The following GNA14 variants were observed in gnomAD, a reference collection of about 807,000 sequenced individuals.
GNA14 encodes the protein G protein subunit alpha 14.
Under a neutral mutation model 42.0 loss-of-function variants are expected in GNA14, and 50 were observed. The ratio of observed to expected loss-of-function variants is 1.19; its 90% CI spans 0.95 to 1.51. The LOEUF is 1.51. GNA14 is among the 40% of genes most tolerant of loss of function. The probability of loss-of-function intolerance (pLI) is 0.00; values close to 1 mark genes in which losing one functional copy is unlikely to be tolerated. For missense variants in GNA14, 473 were observed against 446.2 expected (o/e 1.06, Z -0.54); for synonymous variants, 173 against 163.1 (o/e 1.06, Z -0.46).
At chr9:77,494,625 C>T (rs1401339761) in intron 2 of GNA14, among the ~76,000 whole-genome samples, 2 of 152,104 alleles carry the variant, frequency 1.3e-5, no homozygotes, top group Non-Finnish European at 2.9e-5. Flanking sequence ...AGTTAAATCC[C>T]ACATGAGGAA....
At chr9:77,638,921 T>C (rs569449541) in intron 1 of GNA14, among the ~76,000 whole-genome samples, 1 of 152,308 alleles carries the variant, frequency 6.6e-6, no homozygotes, top group East Asian at 1.9e-4. Context: ...GAAATTTTCA[T>C]AGCCCTGTAG....
chr9:77,563,861 G>T (rs1564054622), intron 1 of GNA14, among the ~76,000 whole-genome samples: 2 of 152,132 alleles, frequency 1.3e-5, no homozygotes, highest in African/African-American at 4.8e-5. Flanking sequence ...GGGTCTTGAA[G>T]CATTACATGT....
intron 2 of GNA14, among the ~76,000 whole-genome samples, chr9:77,489,253 A>C (rs568664695): frequency 2.6e-5 from 4 of 152,312 alleles, no homozygotes; most frequent in African/African-American, 9.6e-5. Context: ...AATAATGAAA[A>C]GAAATAAAGG....
At chr9:77,434,005 GA>G (rs982789926) in intron 3 of GNA14, among the ~76,000 whole-genome samples, 45 of 152,302 alleles carry the variant, frequency 3.0e-4, no homozygotes, top group African/African-American at 1.0e-3. Flanking sequence ...GAGGAAAGTA[GA>G]AGCCAAAAGC....
At chr9:77,523,284 G>C (rs1323379552) in intron 2 of GNA14, among the ~76,000 whole-genome samples, 1 of 152,200 alleles carries the variant, frequency 6.6e-6, no homozygotes, top group Non-Finnish European at 1.5e-5. Flanking sequence ...GCTGGCATCT[G>C]CTCGGCTTCT....
intron 2 of GNA14, among the ~76,000 whole-genome samples, chr9:77,515,037 C>G (rs578178282): frequency 5.3e-5 from 8 of 152,114 alleles, no homozygotes; most frequent in Non-Finnish European, 1.2e-4. Flanking sequence ...AAGCAGGAAA[C>G]CACAATCCAA....
intron 1 of GNA14, among the ~76,000 whole-genome samples, chr9:77,534,879 G>T (rs1229540782): frequency 6.6e-6 from 1 of 152,122 alleles, no homozygotes; most frequent in East Asian, 1.9e-4. Flanking sequence ...CTTCTGTTTT[G>T]AAAAGCAACA....
intron 1 of GNA14, among the ~76,000 whole-genome samples, chr9:77,534,999 T>C (rs1837576359): frequency 6.6e-6 from 1 of 152,216 alleles, no homozygotes; most frequent in Non-Finnish European, 1.5e-5. Flanking sequence ...GCCAGCACAC[T>C]GGGAGGCTCA....
intron 2 of GNA14, among the ~76,000 whole-genome samples, chr9:77,514,188 T>C (rs527240301): frequency 6.6e-6 from 1 of 152,318 alleles, no homozygotes; most frequent in Admixed American, 6.5e-5. Flanking sequence ...CAAATATTTC[T>C]TTGGAAAAAG....
At chr9:77,570,707 A>G (rs1823046731) in intron 1 of GNA14, among the ~76,000 whole-genome samples, 1 of 152,126 alleles carries the variant, frequency 6.6e-6, no homozygotes, top group Non-Finnish European at 1.5e-5. Context: ...ACATTCATGT[A>G]CAAGTTTTGT....
intron 1 of GNA14, among the ~76,000 whole-genome samples, chr9:77,585,415 G>A (rs1391610387): frequency 1.3e-5 from 2 of 152,160 alleles, no homozygotes; most frequent in Non-Finnish European, 1.5e-5. Flanking sequence ...GTACCAGGAA[G>A]AGAAGGATGA....
At chr9:77,600,582 C>T (rs917109415) in intron 1 of GNA14, among the ~76,000 whole-genome samples, 2 of 152,160 alleles carry the variant, frequency 1.3e-5, no homozygotes, top group Non-Finnish European at 1.5e-5. Flanking sequence ...CTTTAAGAAA[C>T]TCAGGGTAGA....
intron 2 of GNA14, among the ~76,000 whole-genome samples, chr9:77,451,631 C>T (rs1041187945): frequency 1.1e-4 from 17 of 152,114 alleles, no homozygotes; most frequent in Non-Finnish European, 1.3e-4. Context: ...ATAATATTGC[C>T]CCAAACTTTT....
chr9:77,636,623 T>G (rs747594278), intron 1 of GNA14, among the ~76,000 whole-genome samples: 11 of 150,700 alleles, frequency 7.3e-5, no homozygotes, highest in Admixed American at 4.6e-4. Flanking sequence ...AGCTGGTGTG[T>G]GTAGAGATAA....
chr9:77,574,774 A>C (rs1289974924), intron 1 of GNA14, among the ~76,000 whole-genome samples: 1 of 152,230 alleles, frequency 6.6e-6, no homozygotes, highest in Non-Finnish European at 1.5e-5. Context: ...TCCATGCTGC[A>C]GCTATGCTAT....
intron 2 of GNA14, among the ~76,000 whole-genome samples, chr9:77,491,806 C>G (rs1447219778): frequency 6.6e-6 from 1 of 152,140 alleles, no homozygotes; most frequent in Non-Finnish European, 1.5e-5. Context: ...CACATTAGAC[C>G]AAATAGGCCT....
chr9:77,581,236 G>A (rs548089863), intron 1 of GNA14, among the ~76,000 whole-genome samples: 24 of 152,312 alleles, frequency 1.6e-4, no homozygotes, highest in Non-Finnish European at 3.1e-4. Flanking sequence ...GAGACAGGCT[G>A]CAAGAGGAAA....
chr9:77,497,429 C>G (rs185404209), intron 2 of GNA14, among the ~76,000 whole-genome samples: 39 of 152,292 alleles, frequency 2.6e-4, no homozygotes, highest in Middle Eastern at 3.4e-3. Flanking sequence ...GACACTGAGT[C>G]TCATGGACAC....
intron 2 of GNA14, among the ~76,000 whole-genome samples, chr9:77,463,592 T>C (rs147479615): frequency 6.6e-6 from 1 of 152,342 alleles, no homozygotes; most frequent in African/African-American, 2.4e-5. Context: ...TGTGATTAAC[T>C]TTCAGATAAG....
Sources: allele counts gnomAD v4.1 joint callset (sites outside exome capture counted in the v4.1 genomes callset), GRCh38; gene constraint gnomAD v4.1.1; transcripts MANE v1.5; gene names NCBI Gene and HGNC (gene_info 2026-07-23, HGNC 2026-07-21).